The following SDCBP variants were observed in gnomAD, a reference collection of about 807,000 sequenced individuals.
SDCBP encodes syntenin-1.
In SDCBP, 22 loss-of-function variants were observed where a neutral mutation model predicts 30.5. The ratio of observed to expected loss-of-function variants is 0.72; its 90% CI spans 0.52 to 1.03. The LOEUF (loss-of-function observed/expected upper bound fraction) is 1.03, where lower values mean the gene tolerates loss of function less well. Among genes scored for constraint, SDCBP ranks in the 50% least tolerant of loss-of-function variants. The pLI is 0.00. For synonymous variants in SDCBP, 103 were observed against 118.7 expected (o/e 0.87, Z 0.86); for missense variants, 304 against 369.9 (o/e 0.82, Z 1.46).
chr8:58,567,561 T>A (rs1003508952), intron 2 of SDCBP, among the ~76,000 whole-genome samples: 3 of 152,172 alleles, frequency 2.0e-5, no homozygotes, highest in African/African-American at 7.2e-5. Context: ...ACTGTTGGTG[T>A]TATATGTTCT....
At chr8:58,578,494 A>G (rs894860248) in intron 6 of SDCBP, 3 of 237,108 alleles carry the variant, frequency 1.3e-5, no homozygotes, top group Non-Finnish European at 2.5e-5. Context: ...TCACTTTCCA[A>G]CTTACTGCTT....
intron 1 of SDCBP, among the ~76,000 whole-genome samples, chr8:58,557,382 ATATT>A (rs1267128734): frequency 1.5e-5 from 2 of 129,640 alleles, no homozygotes; most frequent in African/African-American, 2.9e-5. Flanking sequence ...AAATATAAAA[ATATT>A]TATATTTAAA....
chr8:58,575,921 A>C lies in SDCBP; in HGVS notation c.262A>C (p.Ser88Arg). The change falls in exon 5 of 9, where the codon AGT (serine) becomes CGT (arginine). Residue 88 changes from serine to arginine, a missense_variant. Physicochemically the swap from Ser to Arg is moderately radical, Grantham distance 110. Transcript: ENST00000260130. Reference protein sequence around the residue: ...LQGQLVARPSSINYMVAPVTG... With the variant: ...LQGQLVARPSRINYMVAPVTG... ...TCAGCAGTTGGTAGCAAGACCTTCC[A>C]GTATAAACTATATGGTGGCTCCTGT... 6.2e-7 allele frequency: 1 copy of C among 1,613,058 alleles called. No individual in the cohort carries two copies. The highest frequency in any genetic ancestry group is 1.3e-5 in the African/African-American group (1 of 75,018).
At position 58,573,954 on chromosome 8, in the gene SDCBP, GT is replaced by G. The variant is rs1000206805; in HGVS notation, c.240+1642del. On this transcript the variant is annotated intron_variant, in intron 4 of 8. Coordinates refer to ENST00000260130, the MANE Select transcript of SDCBP (RefSeq NM_005625.4). The stretch of plus-strand genomic sequence containing the variant: ...AGATGAATTTCTTCATAAAATCAAA[GT>G]TCAAACTTTATAAAGGGCTCCATAA... 2.3e-4 allele frequency among the ~76,000 whole-genome samples: 35 copies of G among 152,248 alleles called. 1 individual carries two copies. Among genetic ancestry groups the G allele is most frequent in the African/African-American group, 8.4e-4 (35 of 41,540 alleles).
Position 58,570,953 on chromosome 8 carries a change from C to CCTCA in SDCBP, c.120_123dup (p.Asp42SerfsTer23). The CCTCA allele has an allele frequency of 6.2e-7, 1 of 1,610,070 alleles. No homozygotes were observed. The highest frequency in any genetic ancestry group is 8.5e-7 in the Non-Finnish European group (1 of 1,176,648). Reference sequence around the variant, plus strand: ...TTTGTCAGAAGCTTCTGCTCCTATCCCTCACGATGGAAGTAGGTTTATACT... The same window carrying CCTCA: ...TTTGTCAGAAGCTTCTGCTCCTATCCCTCACTCACGATGGAAGTAGGTTTATACT... On this transcript the variant is annotated frameshift_variant, in exon 3 of 9. Coordinates refer to ENST00000260130, the MANE Select transcript of SDCBP (RefSeq NM_005625.4). LOFTEE classifies it high-confidence loss of function.
At chr8:58,567,566 T>C (rs1804769219) in intron 2 of SDCBP, among the ~76,000 whole-genome samples, 1 of 152,226 alleles carries the variant, frequency 6.6e-6, no homozygotes, top group Non-Finnish European at 1.5e-5. Context: ...TGGTGTTATA[T>C]GTTCTGTGGA....
chr8:58,572,347 A>AT, intron 4 of SDCBP, 33 bp downstream of exon 4: 1 of 1,342,720 alleles, frequency 7.4e-7, no homozygotes, highest in Non-Finnish European at 1.1e-6. Context: ...TGATTTATAT[A>AT]AAATCATACT....
At chr8:58,580,458 T>G in intron 7 of SDCBP, 59 bp from the exon 8 acceptor site, 1 of 855,702 alleles carries the variant, frequency 1.2e-6, no homozygotes, top group Non-Finnish European at 2.0e-6. Flanking sequence ...ACTGGCATAG[T>G]TTTGTATTTA....
rs1222574515 is a variant in SDCBP, at chr8:58,581,720, C to A, written c.877C>A (p.His293Asn). ...AAGCATTATGAAAAGCCTAATGGAC[C>A]ACACCATTCCTGAGGTTTAAAATTC... is the stretch of plus-strand genomic sequence containing the variant. ...APSIMKSLMDHTIPEV is the reference protein window; with the variant it reads ...APSIMKSLMDNTIPEV Residue 293 changes from histidine to asparagine, a missense_variant, in exon 9 of 9, where the codon CAC (histidine) becomes AAC (asparagine). Coordinates refer to ENST00000260130, the MANE Select transcript of SDCBP (RefSeq NM_005625.4). 1 of 1,612,286 alleles carries A rather than the reference C, an allele frequency of 6.2e-7. No homozygotes were observed. Among genetic ancestry groups the A allele is most frequent in the Non-Finnish European group, 8.5e-7 (1 of 1,179,138 alleles).
intron 5 of SDCBP, among the ~76,000 whole-genome samples, chr8:58,577,290 T>C (rs1009061201): frequency 4.6e-5 from 7 of 152,384 alleles, no homozygotes; most frequent in Non-Finnish European, 1.0e-4. Context: ...GATGCACTTA[T>C]ATTTTACCAG....
At chr8:58,571,826 T>C (rs974205917) in intron 3 of SDCBP, among the ~76,000 whole-genome samples, 2 of 152,158 alleles carry the variant, frequency 1.3e-5, no homozygotes, top group Non-Finnish European at 1.5e-5. Context: ...ACTTGACAAA[T>C]AGATATTTTG....
chr8:58,571,459 G>A (rs1805018254), intron 3 of SDCBP, among the ~76,000 whole-genome samples: 3 of 152,172 alleles, frequency 2.0e-5, no homozygotes, highest in Admixed American at 1.3e-4. Context: ...GGTTCAGAGG[G>A]ATTCAGGACA....
chr8:58,573,977 A>G (rs1805186683), intron 4 of SDCBP, among the ~76,000 whole-genome samples: 2 of 152,258 alleles, frequency 1.3e-5, no homozygotes, highest in South Asian at 4.1e-4. Context: ...AAAGGGCTCC[A>G]TAATAAATAC....
In SDCBP at chr8:58,582,039, A is replaced by T; in HGVS notation, c.*299A>T. 1 of 369,566 alleles carries T rather than the reference A, an allele frequency of 2.7e-6. No individual in the cohort carries two copies. The highest frequency in any genetic ancestry group is 5.0e-6 in the Non-Finnish European group (1 of 199,602). 22.9% of individuals were successfully genotyped at this position (369,566 alleles called of 1,614,324 possible). On this transcript the variant is annotated 3_prime_UTR_variant, in exon 9 of 9. Transcript: ENST00000260130. The stretch of plus-strand genomic sequence containing the variant: ...TTTATAAGCCATTGTGATTAGGATG[A>T]CTGTTACAGGCTTAGCTTTGTGTGA...
intron 1 of SDCBP, among the ~76,000 whole-genome samples, chr8:58,557,157 T>TAATTATAATGTATATTATAATATAA (rs1350954902): frequency 7.9e-6 from 1 of 126,660 alleles, no homozygotes; most frequent in Non-Finnish European, 1.5e-5. Flanking sequence ...TTATAATATA[T>TAATTATAATGTATATTATAATATAA]AATTATAATG....
At chr8:58,562,719 A>G (rs939569507) in intron 1 of SDCBP, among the ~76,000 whole-genome samples, 1 of 152,218 alleles carries the variant, frequency 6.6e-6, no homozygotes, top group African/African-American at 2.4e-5. Context: ...AATTAAAGAC[A>G]TAACATTTTT....
At chr8:58,570,227 G>A (rs1046063586) in intron 2 of SDCBP, among the ~76,000 whole-genome samples, 2 of 152,216 alleles carry the variant, frequency 1.3e-5, no homozygotes, top group Non-Finnish European at 2.9e-5. Flanking sequence ...ACTTGAGCAT[G>A]AGTAGCATTG....
intron 2 of SDCBP, among the ~76,000 whole-genome samples, chr8:58,569,333 G>T (rs962236467): frequency 3.4e-5 from 5 of 146,598 alleles, no homozygotes; most frequent in Non-Finnish European, 2.9e-5. Flanking sequence ...CTACCAAAGT[G>T]CTGGGATTAC....
chr8:58,571,042 A>T (rs566439969), intron 3 of SDCBP, 77 bp downstream of exon 3: 1 of 1,107,148 alleles, frequency 9.0e-7, no homozygotes, highest in African/African-American at 1.7e-5. Flanking sequence ...GGAATCCAAG[A>T]TTTTTTTTTG....
Sources: allele counts gnomAD v4.1 joint callset (sites outside exome capture counted in the v4.1 genomes callset), GRCh38; gene constraint gnomAD v4.1.1; transcripts MANE v1.5; gene names NCBI Gene and HGNC (gene_info 2026-07-23, HGNC 2026-07-21).